The following PLXNA1 variants were observed in gnomAD, a reference collection of about 807,000 sequenced individuals.
The protein encoded by PLXNA1 is plexin A1, also known as plexin-A1.
A neutral mutation model predicts 191.7 loss-of-function variants in PLXNA1; 77 were observed. That is an observed-to-expected ratio of 0.40 (90% confidence interval 0.33 to 0.49). The LOEUF is 0.49. PLXNA1 is among the 20% of genes least tolerant of loss of function. The pLI, the probability that PLXNA1 is intolerant of heterozygous loss-of-function variation, is 0.63. For synonymous variants in PLXNA1, 1,137 were observed against 1,156.4 expected, an observed-to-expected ratio of 0.98 and a Z score of 0.34; for missense variants, 2,110 against 2,660.2, an observed-to-expected ratio of 0.79 and a Z score of 4.55.
In PLXNA1 at chr3:126,989,507, C is replaced by T. The variant is rs1340271054; in HGVS notation, c.914C>T (p.Ala305Val). The T allele has an allele frequency of 1.9e-6, 3 of 1,613,466 alleles. No homozygotes were observed. The highest frequency in any genetic ancestry group is 1.1e-5 in the South Asian group (1 of 91,076). The change falls in exon 2 of 32, where the codon GCG (alanine) becomes GTG (valine). Residue 305 changes from alanine to valine, a missense_variant. By Grantham distance (64) the Ala-to-Val change is moderately conservative (BLOSUM62 0). Transcript: ENST00000393409. ...GAGTTCCCCATTGGCTGCGAGCAGG[C>T]GGGTGTGGAGTACCGCCTGGTGCAG... The part of the protein sequence containing the change: ...YVEFPIGCEQ[A>V]GVEYRLVQDA...
chr3:127,028,293 A>G lies in PLXNA1; in HGVS notation c.4622A>G (p.Lys1541Arg). The G allele has an allele frequency of 1.2e-6, 2 of 1,612,674 alleles. No individual in the cohort carries two copies. The highest frequency in any genetic ancestry group is 1.7e-6 in the Non-Finnish European group (2 of 1,179,962). The change falls in exon 25 of 32, where the codon AAG becomes AGG. Residue 1541 changes from lysine to arginine, a missense_variant. By Grantham distance (26) the Lys-to-Arg change is conservative. Transcript: ENST00000393409. ...GAGAAGCTGCTGGACGCTGCCTACA[A>G]GGGCGTGCCCTACTCCCAGCGGCCC... The part of the protein sequence containing the change: ...AKEKLLDAAY[K>R]GVPYSQRPKA...
At chr3:127,005,355 A>G (rs2079061493) in intron 7 of PLXNA1, 112 bp downstream of exon 7, 2 of 1,325,572 alleles carry the variant, frequency 1.5e-6, no homozygotes, top group African/African-American at 1.5e-5. Flanking sequence ...TGTTGGTGAC[A>G]CTCTGACAGC....
At position 127,036,979 on chromosome 3, in the gene PLXNA1, G is replaced by A. The variant is rs2079246975; in HGVS notation, c.*2962G>A. 6.6e-6 allele frequency: 1 copy of A among 152,332 alleles called. No individual in the cohort carries two copies. The highest frequency in any genetic ancestry group is 6.5e-5 in the Admixed American group (1 of 15,290). 9.4% of individuals were successfully genotyped at this position (152,332 alleles called of 1,614,324 possible). A position where few individuals can be genotyped will look rare whatever the true frequency, so the allele number is the denominator to read the frequency against. On this transcript the variant is annotated 3_prime_UTR_variant, in exon 32 of 32. Coordinates refer to ENST00000393409, the MANE Select transcript of PLXNA1 (RefSeq NM_032242.4). ...TGGCCCCTTGGCCTGAGGGGCTGGG[G>A]GCCCCACGACCTGCAGCGTCGAGTC...
rs2079129656 is a variant in PLXNA1 at position 127,017,476 on chromosome 3, G to A, written c.3328G>A (p.Ala1110Thr). The A allele has an allele frequency of 6.2e-7, 1 of 1,613,432 alleles. No individual in the cohort carries two copies. Among genetic ancestry groups the A allele is most frequent in the East Asian group, 2.2e-5 (1 of 44,878 alleles). The change falls in exon 18 of 32, where the codon GCC becomes ACC. Residue 1110 changes from alanine to threonine, a missense_variant. By Grantham distance (58) the Ala-to-Thr change is moderately conservative. This residue lies in a region of PLXNA1 where 644 missense variants were observed against 714.3 expected (regional missense o/e 0.90). Transcript: ENST00000393409. Reference sequence around the variant, plus strand: ...CATGGTATGCCGCGCCCCGTCTGTGGCCAACCCTGTGCGCAGCCCACCAGA... The same window carrying A: ...CATGGTATGCCGCGCCCCGTCTGTGACCAACCCTGTGCGCAGCCCACCAGA... The part of the protein sequence containing the change: ...TTMVCRAPSV[A>T]NPVRSPPELG...
In PLXNA1 at chr3:127,018,536, G is replaced by A; in HGVS notation, c.3895+8G>A. 1 of 1,601,918 alleles carries A rather than the reference G, an allele frequency of 6.2e-7. No individual in the cohort carries two copies. The highest frequency in any genetic ancestry group is 8.5e-7 in the Non-Finnish European group (1 of 1,171,812). ...CCCTCGAATGCAAGGAAGGTCTGTTGGGGCCAGGGCTCACTGGGGCAACTG... is the reference window on the plus strand; with the variant it reads ...CCCTCGAATGCAAGGAAGGTCTGTTAGGGCCAGGGCTCACTGGGGCAACTG... On this transcript the variant is annotated splice_region_variant and intron_variant, in intron 20 of 31. Coordinates refer to ENST00000393409, the MANE Select transcript of PLXNA1 (RefSeq NM_032242.4).
chr3:127,003,351 C>G lies in PLXNA1; in HGVS notation c.1399C>G (p.Pro467Ala). The stretch of plus-strand genomic sequence containing the variant: ...GCAGATCCTGGTGGACCTCTCAAAC[C>G]CCGGTGGCCGGCCTGCCCTGGCCTA... ...IRKILVDLSNPGGRPALAYES... is the reference protein window; with the variant it reads ...IRKILVDLSNAGGRPALAYES... Residue 467 changes from proline to alanine, a missense_variant, in exon 4 of 32, where the codon CCC becomes GCC. This residue lies in a region of PLXNA1 where 903 missense variants were observed against 1,015.7 expected (regional missense o/e 0.89). Transcript: ENST00000393409. The G allele has an allele frequency of 1.2e-6, 2 of 1,606,068 alleles. No homozygotes were observed. Among genetic ancestry groups the G allele is most frequent in the South Asian group, 1.1e-5 (1 of 90,722 alleles).
intron 10 of PLXNA1, among the ~76,000 whole-genome samples, chr3:127,013,382 G>A (rs1197340411): frequency 2.6e-5 from 4 of 152,100 alleles, no homozygotes; most frequent in African/African-American, 7.2e-5. Context: ...ATGAATTGCC[G>A]GGCCGCCCCT....
chr3:126,997,213 C>T (rs2079018722), intron 3 of PLXNA1, among the ~76,000 whole-genome samples: 1 of 152,230 alleles, frequency 6.6e-6, no homozygotes, highest in African/African-American at 2.4e-5. Flanking sequence ...TCCTTGCAGG[C>T]CTGTTGTAAG....
chr3:126,985,705 G>C (rs1335626522), intron 1 of PLXNA1, among the ~76,000 whole-genome samples: 1 of 152,230 alleles, frequency 6.6e-6, no homozygotes, highest in Non-Finnish European at 1.5e-5. Flanking sequence ...TTCCTAGGCA[G>C]ACCCAAGCCT....
At chr3:126,992,273 C>T (rs942828722) in intron 3 of PLXNA1, among the ~76,000 whole-genome samples, 1 of 152,064 alleles carries the variant, frequency 6.6e-6, no homozygotes, top group Non-Finnish European at 1.5e-5. Context: ...CCAGGCTGGC[C>T]TGGTGTGGAG....
intron 3 of PLXNA1, among the ~76,000 whole-genome samples, chr3:126,995,028 G>A (rs1176945600): frequency 3.3e-5 from 5 of 152,126 alleles, no homozygotes; most frequent in Admixed American, 3.3e-4. Flanking sequence ...ACCACTCCCT[G>A]TCTTTCCCAG....
Position 126,989,712 on chromosome 3 carries a change from C to G in PLXNA1, c.1119C>G (p.Ile373Met). Residue 373 changes from isoleucine to methionine, a missense_variant, in exon 2 of 32, where the codon ATC becomes ATG. By Grantham distance (10) the Ile-to-Met change is conservative. Transcript: ENST00000393409. ...RAIKEKIKER[I>M]QSCYRGEGKL... The stretch of plus-strand genomic sequence containing the variant: ...TCAAGGAGAAGATTAAGGAGCGCAT[C>G]CAGTCCTGCTACCGTGGTGAGGGCA... 1 of 1,613,102 alleles carries G rather than the reference C, an allele frequency of 6.2e-7. No homozygotes were observed. Among genetic ancestry groups the G allele is most frequent in the South Asian group, 1.1e-5 (1 of 91,080 alleles).
intron 29 of PLXNA1, 39 bp downstream of exon 29, chr3:127,030,451 C>T (rs2079203604): frequency 6.2e-7 from 1 of 1,607,386 alleles, no homozygotes; most frequent in East Asian, 2.2e-5. Flanking sequence ...TCCCCCAGGG[C>T]CAGGCCAGAT....
At chr3:127,022,652 G>A (rs533460149) in intron 22 of PLXNA1, 100 bp from the exon 23 acceptor site, 3 of 1,106,480 alleles carry the variant, frequency 2.7e-6, no homozygotes, top group East Asian at 2.4e-5. Context: ...GTAGGAAGGG[G>A]GGCAGGGTGG....
intron 1 of PLXNA1, among the ~76,000 whole-genome samples, chr3:126,985,108 A>G (rs1193605471): frequency 6.6e-6 from 1 of 152,126 alleles, no homozygotes; most frequent in Non-Finnish European, 1.5e-5. Flanking sequence ...CTGGCGCAGG[A>G]GGACTTGGGG....
intron 27 of PLXNA1, 51 bp from the exon 28 acceptor site, chr3:127,029,823 G>T (rs773380759): frequency 2.0e-6 from 3 of 1,501,500 alleles, no homozygotes; most frequent in African/African-American, 1.4e-5. Flanking sequence ...AGGCTCGGGC[G>T]GGGGGTGCGG....
Position 127,006,197 on chromosome 3 carries a change from C to T in PLXNA1, c.1997+19C>T, listed in dbSNP as rs1368928103. The T allele has an allele frequency of 3.1e-6, 5 of 1,591,278 alleles. No homozygotes were observed. The Middle Eastern group carries it at 5.1e-4, about 162-fold the overall frequency. Reference sequence around the variant, plus strand: ...ACCAGTCGTGAGTGTCTCTAGGCCCCTCCGCCCGCCTGGGCCTGGGCTACT... The same window carrying T: ...ACCAGTCGTGAGTGTCTCTAGGCCCTTCCGCCCGCCTGGGCCTGGGCTACT... On this transcript the variant is annotated intron_variant, in intron 8 of 31. Coordinates refer to ENST00000393409, the MANE Select transcript of PLXNA1 (RefSeq NM_032242.4).
At chr3:127,010,507 CG>C (rs887668000) in intron 9 of PLXNA1, among the ~76,000 whole-genome samples, 3 of 152,056 alleles carry the variant, frequency 2.0e-5, no homozygotes, top group African/African-American at 4.8e-5. Context: ...CTGAGAGGAC[CG>C]GGTGTGGCCC....
In PLXNA1 at chr3:127,030,249, C is replaced by T. The variant is rs750899729; in HGVS notation, c.5068C>T (p.Leu1690=). Residue 1690 remains leucine, a synonymous_variant, in exon 29 of 32, where the codon CTG becomes TTG. Transcript: ENST00000393409. ...CCCTGCCTGCCCCCCGCAGGGCACA[C>T]TGCAGAAGTTTGTGGACGACCTGTT... The part of the protein sequence containing the change: ...LTRLLATKGT[L]QKFVDDLFET... 2.5e-6 allele frequency: 4 copies of T among 1,613,574 alleles called. No individual in the cohort carries two copies. The Admixed American group carries it at 5.0e-5, about 20-fold the overall frequency.
Sources: allele counts gnomAD v4.1 joint callset (sites outside exome capture counted in the v4.1 genomes callset), GRCh38; gene constraint gnomAD v4.1.1; regional missense constraint gnomAD v4.1.1; transcripts MANE v1.5; gene names NCBI Gene and HGNC (gene_info 2026-07-23, HGNC 2026-07-21).